FAT4: variants seen among roughly 807,000 people sequenced by gnomAD.
FAT4 encodes the protein protocadherin Fat 4.
Under a neutral mutation model 303.9 loss-of-function variants are expected in FAT4, and 84 were observed. The ratio of observed to expected loss-of-function variants is 0.28; its 90% confidence interval spans 0.23 to 0.33. FAT4 has a LOEUF of 0.33. FAT4 is among the 10% of genes least tolerant of loss of function. The probability of loss-of-function intolerance (pLI) is 1.00; values close to 1 mark genes in which losing one functional copy is unlikely to be tolerated. For missense variants in FAT4, 6,005 were observed against 6,146.8 expected (o/e 0.98, Z 0.77); for synonymous variants, 2,307 against 2,298.8 (o/e 1.00, Z -0.10).
At chr4:125,361,770 A>G (rs1315866728) in intron 2 of FAT4, among the ~76,000 whole-genome samples, 2 of 152,152 alleles carry the variant, frequency 1.3e-5, no homozygotes, top group Non-Finnish European at 2.9e-5. Flanking sequence ...TATTACCTGC[A>G]ACCGTTCTGA....
intron 7 of FAT4, among the ~76,000 whole-genome samples, chr4:125,424,486 C>A (rs1324144201): frequency 2.0e-5 from 3 of 152,152 alleles, no homozygotes; most frequent in Non-Finnish European, 4.4e-5. Flanking sequence ...GTCAATTAAA[C>A]CTCTTTCCTT....
chr4:125,356,626 T>C (rs912689339), intron 2 of FAT4, among the ~76,000 whole-genome samples: 1 of 149,326 alleles, frequency 6.7e-6, no homozygotes, highest in Admixed American at 6.7e-5. Context: ...ATGAGTTATT[T>C]TAAAAAGTGA....
chr4:125,372,381 A>T (rs1193341222), intron 2 of FAT4, among the ~76,000 whole-genome samples: 1 of 149,970 alleles, frequency 6.7e-6, no homozygotes, highest in African/African-American at 2.5e-5. Context: ...AAAAAAAAAG[A>T]TGGATCAACA....
Position 125,490,218 on chromosome 4 carries a change from G to A in FAT4, c.13402G>A (p.Val4468Met), listed in dbSNP as rs1727569638. 1 of 1,614,184 alleles carries A rather than the reference G, an allele frequency of 6.2e-7. No individual in the cohort carries two copies. ...CACGGGAAGGACCTGTGAGATGGTG[G>A]TGGCCTGTCTTGGCGTCCTCTGTCC... ...SHTGRTCEMV[V>M]ACLGVLCPQG... The change falls in exon 18 of 18, where the codon GTG becomes ATG. Residue 4468 changes from valine (V) to methionine (M), a missense_variant. Physicochemically the swap from Val to Met is conservative, Grantham distance 21 (BLOSUM62 1). Transcript: ENST00000394329.
In FAT4 at chr4:125,477,329, A is replaced by G; in HGVS notation, c.12474A>G (p.Leu4158=). 2 of 1,566,280 alleles carry G rather than the reference A, an allele frequency of 1.3e-6. No homozygotes were observed. Among genetic ancestry groups the G allele is most frequent in the Non-Finnish European group, 1.7e-6 (2 of 1,154,292 alleles). The change falls in exon 14 of 18, where the codon CTA becomes CTG. Residue 4158 remains leucine (L), a synonymous_variant. Coordinates refer to ENST00000394329, the MANE Select transcript of FAT4 (RefSeq NM_001291303.3). ...AAGCTTTGGCAGCACAAGGCATCCT[A>G]GATCAGTATGGCGATTTTATTTCTT... ...PSQALAAQGI[L]DQCPRLEGAC...
intron 2 of FAT4, among the ~76,000 whole-genome samples, chr4:125,387,014 T>C (rs1733777815): frequency 6.6e-6 from 1 of 152,132 alleles, no homozygotes; most frequent in African/African-American, 2.4e-5. Flanking sequence ...GCATGCACCA[T>C]TCACAATAGG....
Position 125,318,365 on chromosome 4 carries a change from C to T in FAT4, c.1954C>T (p.Gln652Ter). ...STISSLDREE[Q>*]AFYSLLVLAT... ...TATTTCCTCCTTGGACAGAGAAGAG[C>T]AAGCCTTCTACTCCCTGTTGGTTCT... is the stretch of plus-strand genomic sequence containing the variant. The change falls in exon 2 of 18, where the codon CAA becomes TAA. Residue 652 changes from glutamine to a stop codon, truncating the protein, a stop_gained. Transcript: ENST00000394329. LOFTEE classifies it high-confidence loss of function. 1 of 1,614,202 alleles carries T rather than the reference C, an allele frequency of 6.2e-7. No homozygotes were observed.
chr4:125,353,436 G>A (rs940703992), intron 2 of FAT4, among the ~76,000 whole-genome samples: 1 of 151,458 alleles, frequency 6.6e-6, no homozygotes, highest in African/African-American at 2.4e-5. Flanking sequence ...AAATTGTACT[G>A]TGCCCCAAAT....
intron 7 of FAT4, among the ~76,000 whole-genome samples, chr4:125,421,666 A>G (rs1340890780): frequency 1.3e-5 from 2 of 152,218 alleles, no homozygotes; most frequent in East Asian, 1.9e-4. Context: ...AGAAAGCTAC[A>G]TATGAAAAAA....
Position 125,319,076 on chromosome 4 carries a change from A to C in FAT4, c.2665A>C (p.Asn889His). 6.2e-7 allele frequency: 1 copy of C among 1,614,146 alleles called. No homozygotes were observed. The highest frequency in any genetic ancestry group is 8.5e-7 in the Non-Finnish European group (1 of 1,180,038). Reference sequence around the variant, plus strand: ...CATAACAGTTAAGGATTTGAATGACAACTCTCCCCATTTCCTTCAGGCAAT... The same window carrying C: ...CATAACAGTTAAGGATTTGAATGACCACTCTCCCCATTTCCTTCAGGCAAT... Reference protein sequence around the residue: ...VNITVKDLNDNSPHFLQAIES... With the variant: ...VNITVKDLNDHSPHFLQAIES... The change falls in exon 2 of 18, where the codon AAC becomes CAC. Residue 889 changes from asparagine to histidine, a missense_variant. Transcript: ENST00000394329.
chr4:125,345,595 C>T (rs1415345400), intron 2 of FAT4, among the ~76,000 whole-genome samples: 1 of 151,934 alleles, frequency 6.6e-6, no homozygotes, highest in Non-Finnish European at 1.5e-5. Flanking sequence ...GGATTTTCAT[C>T]TTTCAAATTA....
At chr4:125,340,975 T>A (rs535700182) in intron 2 of FAT4, among the ~76,000 whole-genome samples, 155 of 152,358 alleles carry the variant, frequency 1.0e-3, no homozygotes, top group Non-Finnish European at 1.9e-3. Context: ...ATTAAGTTTG[T>A]GTAAATGTGT....
intron 2 of FAT4, among the ~76,000 whole-genome samples, chr4:125,327,117 C>T (rs1731189005): frequency 6.6e-6 from 1 of 152,158 alleles, no homozygotes; most frequent in African/African-American, 2.4e-5. Flanking sequence ...AGATCGGTTA[C>T]ATCCCTAGGC....
chr4:125,482,605 G>A (rs2126088074), intron 16 of FAT4, among the ~76,000 whole-genome samples: 1 of 151,904 alleles, frequency 6.6e-6, no homozygotes, highest in Non-Finnish European at 1.5e-5. Flanking sequence ...ATAAATTTTA[G>A]TAAATTCTTA....
chr4:125,467,607 C>G (rs558440641), intron 11 of FAT4, among the ~76,000 whole-genome samples: 11 of 152,132 alleles, frequency 7.2e-5, no homozygotes, highest in African/African-American at 2.7e-4. Context: ...TTTAAAGTAG[C>G]CTGCTATAAA....
At chr4:125,327,131 A>G (rs1731189489) in intron 2 of FAT4, among the ~76,000 whole-genome samples, 1 of 152,216 alleles carries the variant, frequency 6.6e-6, no homozygotes, top group Non-Finnish European at 1.5e-5. Context: ...CCTAGGCATC[A>G]TTAGTGGTGG....
intron 11 of FAT4, among the ~76,000 whole-genome samples, chr4:125,468,166 A>T (rs1247867393): frequency 6.6e-5 from 10 of 150,872 alleles, no homozygotes; most frequent in East Asian, 3.9e-4. Context: ...TAAAAAAAAT[A>T]AAAAAAAAAT....
At chr4:125,397,504 A>T (rs925434443) in intron 2 of FAT4, among the ~76,000 whole-genome samples, 1 of 152,138 alleles carries the variant, frequency 6.6e-6, no homozygotes, top group African/African-American at 2.4e-5. Flanking sequence ...GAAGTGTCAG[A>T]TTTCTAACTG....
rs1327980157 is a variant in FAT4 at position 125,317,090 on chromosome 4, GA to G, written c.680del (p.Glu227GlyfsTer10). On this transcript the variant is annotated frameshift_variant, in exon 2 of 18. Coordinates refer to ENST00000394329, the MANE Select transcript of FAT4 (RefSeq NM_001291303.3). LOFTEE classifies it high-confidence loss of function. The surrounding 1 kb of genome is among the most constrained non-coding windows in gnomAD (Gnocchi z 7.0). ...CCTGGTTGAGGTGGAGGACAAGGGT[GA>G]GCCTAAGCGGCGGGGCTACCTTCAG... is the stretch of plus-strand genomic sequence containing the variant. ...QLLVEVEDKG[E>X]PKRRGYLQVN... 6.2e-7 allele frequency: 1 copy of G among 1,613,990 alleles called. No homozygotes were observed. Among genetic ancestry groups the G allele is most frequent in the Non-Finnish European group, 8.5e-7 (1 of 1,180,050 alleles).
Sources: allele counts gnomAD v4.1 joint callset (sites outside exome capture counted in the v4.1 genomes callset), GRCh38; gene constraint gnomAD v4.1.1; non-coding constraint Gnocchi (gnomAD v3.1); transcripts MANE v1.5; gene names NCBI Gene and HGNC (gene_info 2026-07-23, HGNC 2026-07-21).